The following LSP1 variants were observed in gnomAD, a reference collection of about 807,000 sequenced individuals.
The protein encoded by LSP1 is lymphocyte specific protein 1.
In LSP1, 32 loss-of-function variants were observed where a neutral mutation model predicts 49.3. The ratio of observed to expected loss-of-function variants is 0.65; its 90% CI spans 0.49 to 0.87. The LOEUF is 0.87. Ranked by LOEUF, LSP1 falls within the 40% of genes least tolerant of loss-of-function variation. LSP1 has a pLI of 0.00. For synonymous variants in LSP1, 179 were observed against 178.8 expected (o/e 1.00, Z -0.01); for missense variants, 428 against 442.6 (o/e 0.97, Z 0.30).
chr11:1,855,286 C>T (rs1379412642), intron 1 of LSP1, among the ~76,000 whole-genome samples: 2 of 152,186 alleles, frequency 1.3e-5, no homozygotes, highest in Admixed American at 1.3e-4. Flanking sequence ...GCCTGGGAAG[C>T]CCCCACACGG....
intron 1 of LSP1, chr11:1,871,005 C>T (rs1001137899): frequency 2.0e-6 from 2 of 985,468 alleles, no homozygotes; most frequent in Non-Finnish European, 2.4e-6. Flanking sequence ...TCCCCTCCTG[C>T]GGGAAGCAGG....
At chr11:1,880,936 C>T in intron 2 of LSP1, 1 of 158,484 alleles carries the variant, frequency 6.3e-6, no homozygotes, top group Non-Finnish European at 1.4e-5. Flanking sequence ...CACAGCCCTG[C>T]TGTTAGGGAG....
Position 1,883,507 on chromosome 11 carries a change from G to C in LSP1, c.445G>C (p.Asp149His), listed in dbSNP as rs1848634105. ...SLSKEGPGPEDTVQDNLGAAG... is the reference protein window; with the variant it reads ...SLSKEGPGPEHTVQDNLGAAG... ...GAGCAAGGAGGGGCCAGGCCCAGAG[G>C]ACACTGTCCAGGACAACCTGGGGGC... is the stretch of plus-strand genomic sequence containing the variant. The change falls in exon 4 of 11, where the codon GAC (aspartate) becomes CAC (histidine). Residue 149 changes from aspartate to histidine, a missense_variant. Transcript: ENST00000311604. 1 of 1,613,842 alleles carries C rather than the reference G, an allele frequency of 6.2e-7. No individual in the cohort carries two copies. The highest frequency in any genetic ancestry group is 8.5e-7 in the Non-Finnish European group (1 of 1,180,016).
chr11:1,853,091 G>A lies in LSP1; in HGVS notation c.-54G>A, dbSNP rs567435432. The A allele has an allele frequency of 2.0e-5, 32 of 1,574,054 alleles. No individual in the cohort carries two copies. The East Asian group carries it at 2.3e-4, about 11-fold the overall frequency. On this transcript the variant is annotated 5_prime_UTR_variant, in exon 1 of 11. Coordinates refer to ENST00000311604, the MANE Select transcript of LSP1 (RefSeq NM_002339.3). ...CAGAAAGCACTGAAAGCCACAGCAC[G>A]TACACCCACTCCAGGGATCTGCCAG...
chr11:1,874,989 G>A (rs1034267799), intron 1 of LSP1, among the ~76,000 whole-genome samples: 25 of 152,186 alleles, frequency 1.6e-4, no homozygotes, highest in Admixed American at 5.9e-4. Context: ...CCCACAGCGG[G>A]CACAGCACCT....
chr11:1,865,931 G>A (rs1847775749), intron 1 of LSP1, among the ~76,000 whole-genome samples: 2 of 151,964 alleles, frequency 1.3e-5, no homozygotes, highest in Non-Finnish European at 2.9e-5. Context: ...AGGTGCCCGG[G>A]CCTTGTCCAC....
Position 1,890,110 on chromosome 11 carries a change from C to T in LSP1, c.*14-1663C>T, listed in dbSNP as rs73410979. The stretch of plus-strand genomic sequence containing the variant: ...AAGCCACTGGGGGGCCGGGTAGGTT[C>T]TGGGGCCGAGGCTACAACCTGGGGC... On this transcript the variant is annotated intron_variant, in intron 10 of 10. Transcript: ENST00000311604. 0.011 allele frequency: 7,627 copies of T among 717,004 alleles called. 380 individuals are homozygous for T. The African/African-American group carries it at 0.11, about 10-fold the overall frequency. The allele number at this position is 717,004 out of a possible 1,614,324, so 44.4% of individuals were successfully genotyped here.
intron 10 of LSP1, chr11:1,889,600 C>G: frequency 1.6e-6 from 1 of 612,634 alleles, no homozygotes; most frequent in South Asian, 1.9e-5. Context: ...ACTTTGGGGA[C>G]AGGGCATGGG....
intron 1 of LSP1, among the ~76,000 whole-genome samples, chr11:1,873,963 C>CCGGGCGGAGGAGGGAGG (rs1848172774): frequency 2.9e-5 from 1 of 34,140 alleles, no homozygotes; most frequent in Non-Finnish European, 6.2e-5. Context: ...GAGCAGGGAG[C>CCGGGCGGAGGAGGGAGG]CCGGCGGAGG....
intron 1 of LSP1, among the ~76,000 whole-genome samples, chr11:1,857,188 C>T (rs1030320832): frequency 6.6e-6 from 1 of 152,158 alleles, no homozygotes; most frequent in African/African-American, 2.4e-5. Flanking sequence ...CAAGTGGGAG[C>T]ATCACAGGCC....
chr11:1,860,546 G>A (rs1166656115), intron 1 of LSP1, among the ~76,000 whole-genome samples: 1 of 152,142 alleles, frequency 6.6e-6, no homozygotes, highest in Non-Finnish European at 1.5e-5. Context: ...ATGTATATAT[G>A]GATGTTTGGA....
Position 1,883,437 on chromosome 11 carries a change from C to T in LSP1, c.375C>T (p.Tyr125=), listed in dbSNP as rs577198149. Residue 125 remains tyrosine, a synonymous_variant, in exon 4 of 11, where the codon TAC becomes TAT. Transcript: ENST00000311604. ...CCCACAGGCCCGGCCTGCATGCCTACGAAAAGGAGGACAGTGATGAAGTCC... is the reference window on the plus strand; with the variant it reads ...CCCACAGGCCCGGCCTGCATGCCTATGAAAAGGAGGACAGTGATGAAGTCC... ...EQEDRPGLHA[Y]EKEDSDEVHL... 1.8e-5 allele frequency: 29 copies of T among 1,614,060 alleles called. No individual in the cohort carries two copies. The East Asian group carries it at 3.3e-4, about 19-fold the overall frequency.
chr11:1,889,041 C>T (rs1376483220), intron 10 of LSP1: 3 of 577,814 alleles, frequency 5.2e-6, no homozygotes, highest in Non-Finnish European at 9.2e-6. Flanking sequence ...GCCCCTTGGG[C>T]CCTGGTGCAT....
At position 1,871,389 on chromosome 11, in the gene LSP1, T is replaced by C. The variant is rs529806926; in HGVS notation, c.54-8698T>C. 9.8e-5 allele frequency: 97 copies of C among 986,274 alleles called. 3 individuals carry two copies. In the South Asian group the frequency reaches 3.8e-3, roughly 39 times the overall value. The allele number at this position is 986,274 out of a possible 1,614,324, so 61.1% of individuals were successfully genotyped here. A position where few individuals can be genotyped will look rare whatever the true frequency, so the allele number is the denominator to read the frequency against. ...GACAAGGGTGCTGCCGGCACAGGGC[T>C]GACCACAGAGCACATCAAAAGAGGT... On this transcript the variant is annotated intron_variant, in intron 1 of 10. Coordinates refer to ENST00000311604, the MANE Select transcript of LSP1 (RefSeq NM_002339.3).
intron 10 of LSP1, chr11:1,890,393 G>T (rs1444814097): frequency 7.0e-6 from 5 of 717,026 alleles, no homozygotes; most frequent in Non-Finnish European, 1.3e-5. Flanking sequence ...GGGACAGGGA[G>T]GTGCGGAAGG....
At position 1,892,135 on chromosome 11, in the gene LSP1, C is replaced by G. The variant is rs1214867600; in HGVS notation, c.*376C>G. The G allele has an allele frequency of 6.6e-6, 1 of 152,296 alleles. No individual in the cohort carries two copies. Among genetic ancestry groups the G allele is most frequent in the Non-Finnish European group, 1.5e-5 (1 of 68,042 alleles). 9.4% of individuals were successfully genotyped at this position (152,296 alleles called of 1,614,324 possible). A position where few individuals can be genotyped will look rare whatever the true frequency, so the allele number is the denominator to read the frequency against. Reference sequence around the variant, plus strand: ...TGTGCAGAGAGGGTGGGTCACCCCCCCAGATCCAAGGAGAAACTGCAGGTC... The same window carrying G: ...TGTGCAGAGAGGGTGGGTCACCCCCGCAGATCCAAGGAGAAACTGCAGGTC... On this transcript the variant is annotated 3_prime_UTR_variant, in exon 11 of 11. Transcript: ENST00000311604.
At chr11:1,865,738 G>C (rs1847769703) in intron 1 of LSP1, among the ~76,000 whole-genome samples, 1 of 151,698 alleles carries the variant, frequency 6.6e-6, no homozygotes, top group Admixed American at 6.6e-5. Context: ...GCTTGACTCT[G>C]AGCCCCCAAA....
At position 1,876,456 on chromosome 11, in the gene LSP1, C is replaced by T. The variant is rs553283734; in HGVS notation, c.54-3631C>T. 52 of 985,758 alleles carry T rather than the reference C, an allele frequency of 5.3e-5. No individual in the cohort carries two copies. The East Asian group carries it at 1.0e-3, about 19-fold the overall frequency. The allele number at this position is 985,758 out of a possible 1,614,324, so 61.1% of individuals were successfully genotyped here. A position where few individuals can be genotyped will look rare whatever the true frequency, so the allele number is the denominator to read the frequency against. On this transcript the variant is annotated intron_variant, in intron 1 of 10. Coordinates refer to ENST00000311604, the MANE Select transcript of LSP1 (RefSeq NM_002339.3). ...CTCCCCCTCCCCTCGACATCCTCCCCGCAGCCCTTGCTCTTCACCAGAGCC... is the reference window on the plus strand; with the variant it reads ...CTCCCCCTCCCCTCGACATCCTCCCTGCAGCCCTTGCTCTTCACCAGAGCC...
chr11:1,883,224 G>A (rs1848620663), intron 3 of LSP1, among the ~76,000 whole-genome samples, 195 bp from the exon 4 acceptor site: 1 of 152,260 alleles, frequency 6.6e-6, no homozygotes, highest in African/African-American at 2.4e-5. Context: ...TGACACAGGG[G>A]CCCAAGCAGA....
Sources: allele counts gnomAD v4.1 joint callset (sites outside exome capture counted in the v4.1 genomes callset), GRCh38; gene constraint gnomAD v4.1.1; transcripts MANE v1.5; gene names NCBI Gene and HGNC (gene_info 2026-07-23, HGNC 2026-07-21).